Variants in CACNA1A observed in about 807,000 individuals in gnomAD.
CACNA1A encodes calcium voltage-gated channel subunit alpha1 A, also known as voltage-dependent P/Q-type calcium channel subunit alpha-1A.
CACNA1A carries 57 observed loss-of-function variants against 262.4 expected under a neutral mutation model. That is an observed-to-expected ratio of 0.22 (90% CI 0.18 to 0.27). The LOEUF (loss-of-function observed/expected upper bound fraction) is 0.27. Among genes scored for constraint, CACNA1A ranks in the 10% least tolerant of loss-of-function variants. The probability of loss-of-function intolerance (pLI) is 1.00; values close to 1 mark genes in which losing one functional copy is unlikely to be tolerated. For synonymous variants in CACNA1A, 1,431 were observed against 1,419.3 expected (o/e 1.01, Z -0.18); for missense variants, 2,526 against 3,562.8 (o/e 0.71, Z 7.41).
At chr19:13,326,333 G>GA (rs140855258) in intron 10 of CACNA1A, among the ~76,000 whole-genome samples, 18,838 of 150,896 alleles carry the variant, frequency 0.12, 2,121 homozygotes, top group African/African-American at 0.31. Flanking sequence ...AGAAAAAAAA[G>GA]AAAAAAAAAT....
At chr19:13,427,239 G>A (rs1246494603) in intron 3 of CACNA1A, among the ~76,000 whole-genome samples, 1 of 151,918 alleles carries the variant, frequency 6.6e-6, no homozygotes, top group Non-Finnish European at 1.5e-5. Context: ...ATCACCTGAG[G>A]TCAGGAGTTC....
chr19:13,337,109 C>T (rs1172077521), intron 6 of CACNA1A, among the ~76,000 whole-genome samples: 3 of 152,188 alleles, frequency 2.0e-5, no homozygotes, highest in Non-Finnish European at 2.9e-5. Flanking sequence ...TGTGGAGCAA[C>T]TGGAACCCTC....
intron 30 of CACNA1A, among the ~76,000 whole-genome samples, chr19:13,249,594 A>G (rs1230390209): frequency 1.3e-5 from 2 of 152,082 alleles, no homozygotes; most frequent in Non-Finnish European, 2.9e-5. Context: ...GGCTCAAGCG[A>G]TCCACCTGCC....
chr19:13,370,448 A>G (rs74642402), intron 4 of CACNA1A, among the ~76,000 whole-genome samples: 10,070 of 151,460 alleles, frequency 0.066, 697 homozygotes, highest in African/African-American at 0.18. Context: ...TGTTTTTTTG[A>G]GACAAGGTCT....
chr19:13,281,836 G>A (rs1028721949), intron 22 of CACNA1A, among the ~76,000 whole-genome samples: 3 of 152,198 alleles, frequency 2.0e-5, no homozygotes, highest in African/African-American at 4.8e-5. Context: ...GGAGCTGAAC[G>A]CTCTTTGCAA....
chr19:13,298,926 G>A lies in CACNA1A; in HGVS notation c.2707C>T (p.His903Tyr), dbSNP rs765300713. 3.1e-6 allele frequency: 5 copies of A among 1,594,172 alleles called. No homozygotes were observed. In the South Asian group the frequency reaches 3.3e-5, roughly 11 times the overall value. ...TCCAGGCTGCCCTCCCGGGCGTGGT[G>A]GTCCGACTCGCGGCCGTAGGGTCCC... is the stretch of plus-strand genomic sequence containing the variant. The part of the protein sequence containing the change: ...REGPYGRESD[H>Y]HAREGSLEQP... Residue 903 changes from histidine to tyrosine, a missense_variant, in exon 19 of 47, where the codon CAC (histidine) becomes TAC (tyrosine). His to Tyr is a moderately conservative substitution (Grantham distance 83, BLOSUM62 2). Coordinates refer to ENST00000360228, the MANE Select transcript of CACNA1A (RefSeq NM_001127222.2).
At chr19:13,251,718 G>A (rs1346919391) in intron 30 of CACNA1A, among the ~76,000 whole-genome samples, 1 of 152,096 alleles carries the variant, frequency 6.6e-6, no homozygotes, top group Non-Finnish European at 1.5e-5. Context: ...AAGATGGAAG[G>A]AAATGTTAAA....
intron 1 of CACNA1A, among the ~76,000 whole-genome samples, chr19:13,502,188 A>C (rs1982460844): frequency 6.7e-6 from 1 of 149,342 alleles, no homozygotes; most frequent in South Asian, 2.1e-4. Context: ...AAATGAGAGG[A>C]GTGCCAATCA....
At chr19:13,432,042 T>G (rs2060514849) in intron 3 of CACNA1A, among the ~76,000 whole-genome samples, 1 of 143,718 alleles carries the variant, frequency 7.0e-6, no homozygotes, top group Non-Finnish European at 1.5e-5. Context: ...GAGGCTGAGG[T>G]TGCAGTGGGC....
At chr19:13,403,984 G>A (rs1175577262) in intron 3 of CACNA1A, among the ~76,000 whole-genome samples, 1 of 151,876 alleles carries the variant, frequency 6.6e-6, no homozygotes, top group Non-Finnish European at 1.5e-5. Flanking sequence ...TGGTACATAT[G>A]GTACAATGGT....
intron 3 of CACNA1A, among the ~76,000 whole-genome samples, chr19:13,403,121 T>G (rs78727217): frequency 0.02 from 3,033 of 151,674 alleles, 101 homozygotes; most frequent in South Asian, 0.095. Context: ...CTTTACTGAT[T>G]TTCCCACCTG....
At chr19:13,266,082 G>T (rs551244025) in intron 24 of CACNA1A, among the ~76,000 whole-genome samples, 14 of 152,248 alleles carry the variant, frequency 9.2e-5, no homozygotes, top group African/African-American at 3.1e-4. Context: ...GACCTCAAGT[G>T]ATCCACCTGC....
At chr19:13,446,422 T>C (rs374176417) in intron 3 of CACNA1A, among the ~76,000 whole-genome samples, 30 of 149,570 alleles carry the variant, frequency 2.0e-4, no homozygotes, top group African/African-American at 5.4e-4. Flanking sequence ...TGTGTGTGTG[T>C]GCGCGCGTGT....
At chr19:13,464,807 C>A (rs1363235088) in intron 1 of CACNA1A, among the ~76,000 whole-genome samples, 1 of 152,162 alleles carries the variant, frequency 6.6e-6, no homozygotes, top group Admixed American at 6.5e-5. Flanking sequence ...CTTGGCCTCC[C>A]AAAGTGCTGG....
chr19:13,497,605 C>T (rs1182581273), intron 1 of CACNA1A, among the ~76,000 whole-genome samples: 1 of 104,418 alleles, frequency 9.6e-6, no homozygotes, highest in Non-Finnish European at 1.8e-5. Flanking sequence ...AAGCTGGGTA[C>T]GGTGGTGCAT....
At chr19:13,336,644 G>C (rs2058581724) in intron 6 of CACNA1A, among the ~76,000 whole-genome samples, 1 of 58,806 alleles carries the variant, frequency 1.7e-5, no homozygotes, top group Admixed American at 1.8e-4. Context: ...AGAGAGAAAA[G>C]AATGATAAAA....
At chr19:13,282,077 G>A (rs1455036459) in intron 22 of CACNA1A, among the ~76,000 whole-genome samples, 1 of 152,242 alleles carries the variant, frequency 6.6e-6, no homozygotes, top group East Asian at 1.9e-4. Flanking sequence ...TAAGCGGACT[G>A]TGAGGAGGCT....
intron 4 of CACNA1A, 109 bp from the exon 5 acceptor site, chr19:13,365,578 A>G: frequency 2.2e-6 from 2 of 905,032 alleles, no homozygotes; most frequent in South Asian, 3.6e-5. Context: ...TTCCTGAGGG[A>G]ACATTAAGCA....
chr19:13,389,108 G>A (rs2059669188), intron 3 of CACNA1A, among the ~76,000 whole-genome samples: 1 of 152,102 alleles, frequency 6.6e-6, no homozygotes, highest in Admixed American at 6.5e-5. Flanking sequence ...TCACCATGTT[G>A]GCCAGGCTGG....
Sources: gnomAD v4.1 joint callset for allele counts (sites outside exome capture counted in the v4.1 genomes callset) on GRCh38, gnomAD v4.1.1 for gene constraint, MANE v1.5 for transcripts, NCBI Gene and HGNC (gene_info 2026-07-23, HGNC 2026-07-21) for gene names.